Variants in HIVEP3 observed in about 807,000 individuals in gnomAD.
The protein encoded by HIVEP3 is HIVEP zinc finger 3.
In HIVEP3, 49 loss-of-function variants were observed where a neutral mutation model predicts 152.8. That is an observed-to-expected ratio of 0.32 (90% CI 0.26 to 0.41). HIVEP3 has a LOEUF of 0.41. Ranked by LOEUF, HIVEP3 falls within the 10% of genes least tolerant of loss-of-function variation. HIVEP3 has a pLI of 1.00. For synonymous variants in HIVEP3, 1,269 were observed against 1,289.0 expected (o/e 0.98, Z 0.33); for missense variants, 2,790 against 3,103.3 (o/e 0.90, Z 2.40).
intron 1 of HIVEP3, among the ~76,000 whole-genome samples, chr1:41,817,208 C>T (rs1253027401): frequency 6.6e-6 from 1 of 152,166 alleles, no homozygotes; most frequent in Non-Finnish European, 1.5e-5. Context: ...AAGCTGAGAC[C>T]CACATCCAAG....
intron 1 of HIVEP3, among the ~76,000 whole-genome samples, chr1:41,887,680 G>A (rs540588277): frequency 1.8e-4 from 27 of 152,294 alleles, no homozygotes; most frequent in Admixed American, 1.6e-3. Flanking sequence ...CAGACAGCAA[G>A]AGGTTTTCTG....
chr1:41,562,369 T>C (rs895366324), intron 5 of HIVEP3, among the ~76,000 whole-genome samples: 4 of 152,200 alleles, frequency 2.6e-5, no homozygotes, highest in Non-Finnish European at 5.9e-5. Context: ...GGGTGACCTT[T>C]CTTGAAGAGT....
rs1410670795 is a variant in HIVEP3 at position 41,590,900 on chromosome 1, C to G, written c.-521-5582G>C. On this transcript the variant is annotated intron_variant, in intron 3 of 8. Transcript: ENST00000372583. Reference sequence around the variant, plus strand: ...AGACTCAGGCAGCCTGCAGCTGAACCCTGGCTCCTCCACCTCCTAACTGAT... The same window carrying G: ...AGACTCAGGCAGCCTGCAGCTGAACGCTGGCTCCTCCACCTCCTAACTGAT... 3.3e-5 allele frequency among the ~76,000 whole-genome samples: 5 copies of G among 152,138 alleles called. No individual in the cohort carries two copies. The South Asian group carries it at 1.0e-3, about 32-fold the overall frequency.
At chr1:41,896,638 G>T (rs184563664) in intron 1 of HIVEP3, among the ~76,000 whole-genome samples, 1 of 150,278 alleles carries the variant, frequency 6.7e-6, no homozygotes, top group Non-Finnish European at 1.5e-5. Context: ...GCAATGGTGC[G>T]ATCTCGGGTC....
chr1:41,535,066 T>C (rs1363149539), intron 5 of HIVEP3, among the ~76,000 whole-genome samples: 6 of 152,220 alleles, frequency 3.9e-5, no homozygotes, highest in East Asian at 3.9e-4. Flanking sequence ...CCCCATTGTA[T>C]AGAAAAGGGA....
At chr1:41,652,300 T>C (rs966762343) in intron 2 of HIVEP3, among the ~76,000 whole-genome samples, 1 of 152,250 alleles carries the variant, frequency 6.6e-6, no homozygotes, top group Non-Finnish European at 1.5e-5. Flanking sequence ...CTCTCTGTTA[T>C]TTATCCTTTG....
intron 1 of HIVEP3, among the ~76,000 whole-genome samples, chr1:41,833,885 C>T (rs139254658): frequency 6.6e-5 from 10 of 152,222 alleles, no homozygotes; most frequent in African/African-American, 2.4e-4. Context: ...AAGAAGCTAC[C>T]GAGCCTGCTC....
rs1645251144 is a variant in HIVEP3 at position 41,635,218 on chromosome 1, A to G, written c.-720-6271T>C. Among the ~76,000 whole-genome samples the G allele has an allele frequency of 2.0e-5, 3 of 152,196 alleles. No homozygotes were observed. The South Asian group carries it at 6.2e-4, about 31-fold the overall frequency. On this transcript the variant is annotated intron_variant, in intron 2 of 8. Transcript: ENST00000372583. The stretch of plus-strand genomic sequence containing the variant: ...AAAAAACTCTTGAATCAAAGAGGAC[A>G]GCAACGCTATCGTAGGATAATTATA...
chr1:42,026,542 C>T (rs941070788), intron 1 of HIVEP3, among the ~76,000 whole-genome samples: 5 of 152,150 alleles, frequency 3.3e-5, no homozygotes, highest in Non-Finnish European at 5.9e-5. Flanking sequence ...CCTACAATTT[C>T]CTCTCTCCAT....
chr1:41,865,270 G>A (rs904644237), intron 1 of HIVEP3, among the ~76,000 whole-genome samples: 2 of 152,196 alleles, frequency 1.3e-5, no homozygotes, highest in Non-Finnish European at 2.9e-5. Context: ...AGATGGGACA[G>A]ACAGGAGATC....
intron 2 of HIVEP3, among the ~76,000 whole-genome samples, chr1:41,700,035 G>T (rs952116779): frequency 6.6e-6 from 1 of 152,162 alleles, no homozygotes; most frequent in African/African-American, 2.4e-5. Context: ...TTCACCCGGT[G>T]AACTTCTATT....
chr1:41,971,379 T>C (rs902496399), intron 1 of HIVEP3, among the ~76,000 whole-genome samples: 4 of 152,172 alleles, frequency 2.6e-5, no homozygotes, highest in Non-Finnish European at 5.9e-5. Context: ...GAAATGCCCT[T>C]TGCAATCTGA....
Position 41,584,114 on chromosome 1 carries a change from G to T in HIVEP3, c.684C>A (p.Ser228=), listed in dbSNP as rs749823453. 43 of 1,614,066 alleles carry T rather than the reference G, an allele frequency of 2.7e-5. No homozygotes were observed. The highest frequency in any genetic ancestry group is 3.5e-5 in the Non-Finnish European group (41 of 1,180,058). Residue 228 remains serine (S), a synonymous_variant, in exon 4 of 9, where the codon TCC becomes TCA. Coordinates refer to ENST00000372583, the MANE Select transcript of HIVEP3 (RefSeq NM_024503.5). The surrounding 1 kb of genome is among the most constrained non-coding windows in gnomAD (Gnocchi z 5.2). ...TGTAGAGATTACTCTTGGTCTTGAA[G>T]GAGAAGCCACAGGGGCCGCAGGGGT... ...RPYPCGPCGF[S]FKTKSNLYKH...
chr1:41,708,550 A>T (rs1646467539), intron 1 of HIVEP3, among the ~76,000 whole-genome samples: 2 of 152,076 alleles, frequency 1.3e-5, no homozygotes, highest in South Asian at 4.1e-4. Context: ...ACCACTTCTG[A>T]TTAGTTCCTG....
At chr1:41,724,283 C>T (rs553949419) in intron 1 of HIVEP3, among the ~76,000 whole-genome samples, 43 of 152,204 alleles carry the variant, frequency 2.8e-4, no homozygotes, top group Non-Finnish European at 5.3e-4. Flanking sequence ...GTTCCCACCC[C>T]TCACCAGAAT....
chr1:41,948,739 G>A (rs1010791279), intron 1 of HIVEP3, among the ~76,000 whole-genome samples: 2 of 150,496 alleles, frequency 1.3e-5, no homozygotes, highest in African/African-American at 2.5e-5. Flanking sequence ...CTAACCAGTG[G>A]AAATTACTTA....
At chr1:41,762,412 A>G (rs150450184) in intron 1 of HIVEP3, among the ~76,000 whole-genome samples, 1,944 of 152,278 alleles carry the variant, frequency 0.013, 21 homozygotes, top group Non-Finnish European at 0.017. Flanking sequence ...CAGCCACCCC[A>G]TGCAGCAGGA....
chr1:41,586,825 C>T (rs1644512878), intron 3 of HIVEP3, among the ~76,000 whole-genome samples: 1 of 151,926 alleles, frequency 6.6e-6, no homozygotes. Context: ...CTTGGTGCTA[C>T]AAAGAATTCA....
chr1:41,638,258 G>GAAAGAA, intron 2 of HIVEP3, among the ~76,000 whole-genome samples: 1 of 139,866 alleles, frequency 7.1e-6, no homozygotes, highest in East Asian at 2.1e-4. Context: ...GAAAGAGAGA[G>GAAAGAA]AAAGAAAGAA....
Sources: allele counts gnomAD v4.1 joint callset (sites outside exome capture counted in the v4.1 genomes callset), GRCh38; gene constraint gnomAD v4.1.1; non-coding constraint Gnocchi (gnomAD v3.1); transcripts MANE v1.5; gene names NCBI Gene and HGNC (gene_info 2026-07-23, HGNC 2026-07-21).